Variants in RIT2 observed in about 807,000 individuals in gnomAD.
RIT2 encodes Ras like without CAAX 2.
Under a neutral mutation model 23.7 loss-of-function variants are expected in RIT2, and 24 were observed. That is an observed-to-expected ratio of 1.01 (90% CI 0.73 to 1.43). RIT2 has a LOEUF of 1.43. Among genes scored for constraint, RIT2 ranks in the 40% most tolerant of loss-of-function variants. The probability of loss-of-function intolerance (pLI) is 0.00; values close to 1 mark genes in which losing one functional copy is unlikely to be tolerated. For missense variants in RIT2, 236 were observed against 266.9 expected (o/e 0.88, Z 0.81); for synonymous variants, 107 against 91.1 (o/e 1.17, Z -0.99).
At chr18:43,010,632 C>G (rs533154108) in intron 2 of RIT2, among the ~76,000 whole-genome samples, 2 of 151,874 alleles carry the variant, frequency 1.3e-5, no homozygotes, top group African/African-American at 4.8e-5. Flanking sequence ...TTCCAGACAG[C>G]ATTTCTTTTT....
At chr18:42,810,673 G>A (rs111623018) in intron 4 of RIT2, among the ~76,000 whole-genome samples, 6 of 151,948 alleles carry the variant, frequency 3.9e-5, no homozygotes, top group African/African-American at 1.4e-4. Context: ...TACCTATGAC[G>A]TTAAATTTCT....
chr18:43,013,834 T>G (rs1172337476), intron 2 of RIT2, among the ~76,000 whole-genome samples: 1 of 151,672 alleles, frequency 6.6e-6, no homozygotes, highest in Non-Finnish European at 1.5e-5. Flanking sequence ...CCTGACATCC[T>G]CTCCTGGGCA....
intron 3 of RIT2, among the ~76,000 whole-genome samples, chr18:42,924,633 A>C (rs867868399): frequency 6.6e-6 from 1 of 152,116 alleles, no homozygotes; most frequent in African/African-American, 2.4e-5. Context: ...TGGAATAAGC[A>C]ATGAAAGAAC....
intron 1 of RIT2, among the ~76,000 whole-genome samples, chr18:43,057,684 G>C (rs1912537541): frequency 6.6e-6 from 1 of 151,736 alleles, no homozygotes; most frequent in Admixed American, 6.6e-5. Context: ...TTTAAGATTA[G>C]GGGTATAGCA....
At chr18:42,815,383 G>C (rs1905967095) in intron 4 of RIT2, among the ~76,000 whole-genome samples, 2 of 152,132 alleles carry the variant, frequency 1.3e-5, no homozygotes, top group African/African-American at 2.4e-5. Context: ...ACAGCTCGAA[G>C]ACAAGGTCTT....
At chr18:42,968,072 A>T (rs1441873225) in intron 3 of RIT2, among the ~76,000 whole-genome samples, 2 of 152,144 alleles carry the variant, frequency 1.3e-5, no homozygotes, top group East Asian at 3.9e-4. Flanking sequence ...CAATGTAAGA[A>T]TTTTATTTTA....
intron 1 of RIT2, among the ~76,000 whole-genome samples, chr18:43,039,625 G>A (rs1226703832): frequency 6.6e-6 from 1 of 152,096 alleles, no homozygotes; most frequent in Non-Finnish European, 1.5e-5. Flanking sequence ...TGGGATTACA[G>A]GCGTGAGCCA....
chr18:42,903,443 G>C (rs578184233), intron 4 of RIT2, among the ~76,000 whole-genome samples: 1 of 151,612 alleles, frequency 6.6e-6, no homozygotes, highest in South Asian at 2.1e-4. Flanking sequence ...ACCACAATAC[G>C]GCTTAATCAG....
chr18:42,768,062 A>G (rs1913468120), intron 4 of RIT2, among the ~76,000 whole-genome samples: 1 of 151,884 alleles, frequency 6.6e-6, no homozygotes, highest in Non-Finnish European at 1.5e-5. Context: ...ATGTAGTAAT[A>G]TATGCATATT....
At chr18:42,942,103 T>TA (rs530775452) in intron 3 of RIT2, among the ~76,000 whole-genome samples, 161 of 143,676 alleles carry the variant, frequency 1.1e-3, no homozygotes, top group East Asian at 2.2e-3. Flanking sequence ...ATTGTTCAAG[T>TA]AAAAAAAAAA....
At chr18:42,880,580 T>C (rs932020801) in intron 4 of RIT2, among the ~76,000 whole-genome samples, 3 of 152,146 alleles carry the variant, frequency 2.0e-5, no homozygotes, top group Non-Finnish European at 4.4e-5. Flanking sequence ...TTTTTCTGTG[T>C]ATTTATGCTT....
intron 4 of RIT2, among the ~76,000 whole-genome samples, chr18:42,760,759 C>G (rs16976780): frequency 0.017 from 2,659 of 152,256 alleles, 80 homozygotes; most frequent in African/African-American, 0.061. Context: ...CCATTTGCTT[C>G]TTATGCACTA....
chr18:42,873,335 A>T (rs1005889523), intron 4 of RIT2, among the ~76,000 whole-genome samples: 2 of 152,164 alleles, frequency 1.3e-5, no homozygotes, highest in Non-Finnish European at 2.9e-5. Context: ...TTTAAAGTCT[A>T]TACTTTTCAT....
At chr18:42,935,057 C>CA (rs1348116105) in intron 3 of RIT2, among the ~76,000 whole-genome samples, 2 of 151,958 alleles carry the variant, frequency 1.3e-5, no homozygotes, top group Non-Finnish European at 2.9e-5. Flanking sequence ...TAGAAAAAGT[C>CA]AGAGTGTCTG....
chr18:42,983,920 A>C (rs1481008956), intron 2 of RIT2, among the ~76,000 whole-genome samples: 1 of 152,108 alleles, frequency 6.6e-6, no homozygotes, highest in East Asian at 1.9e-4. Flanking sequence ...GGATACACAG[A>C]ATGTTACAAC....
chr18:42,923,868 G>A (rs1598716717), intron 3 of RIT2, 105 bp from the exon 4 acceptor site: 1 of 900,808 alleles, frequency 1.1e-6, no homozygotes, highest in Non-Finnish European at 1.6e-6. Flanking sequence ...AAACTATTAA[G>A]AATATTGATA....
chr18:42,769,919 G>A (rs1032158530), intron 4 of RIT2, among the ~76,000 whole-genome samples: 12 of 151,412 alleles, frequency 7.9e-5, no homozygotes, highest in African/African-American at 2.7e-4. Flanking sequence ...GACAATGGGA[G>A]AATGAGTGAA....
intron 4 of RIT2, among the ~76,000 whole-genome samples, chr18:42,904,090 G>C (rs1908549416): frequency 6.6e-6 from 1 of 151,938 alleles, no homozygotes; most frequent in African/African-American, 2.4e-5. Flanking sequence ...CCTACAAATG[G>C]ACCCAGGCAC....
intron 1 of RIT2, among the ~76,000 whole-genome samples, chr18:43,114,170 T>C (rs562445607): frequency 3.0e-4 from 45 of 152,244 alleles, no homozygotes; most frequent in African/African-American, 1.1e-3. Context: ...CTAGAAGAGA[T>C]GAATAATTTT....
Sources: allele counts gnomAD v4.1 joint callset (sites outside exome capture counted in the v4.1 genomes callset), GRCh38; gene constraint gnomAD v4.1.1; transcripts MANE v1.5; gene names NCBI Gene and HGNC (gene_info 2026-07-23, HGNC 2026-07-21).